The following DCAF10 variants were observed in gnomAD, a reference collection of about 807,000 sequenced individuals.
The protein encoded by DCAF10 is DDB1 and CUL4 associated factor 10.
DCAF10 carries 19 observed loss-of-function variants against 51.9 expected under a neutral mutation model. The ratio of observed to expected loss-of-function variants is 0.37; its 90% confidence interval spans 0.26 to 0.54. The LOEUF (loss-of-function observed/expected upper bound fraction) is 0.54. DCAF10 is among the 20% of genes least tolerant of loss of function. The pLI is 0.87. For synonymous variants in DCAF10, 291 were observed against 297.1 expected (o/e 0.98, Z 0.21); for missense variants, 510 against 730.6 (o/e 0.70, Z 3.48).
intron 1 of DCAF10, among the ~76,000 whole-genome samples, chr9:37,816,326 C>T (rs774254429): frequency 6.6e-6 from 1 of 152,202 alleles, no homozygotes; most frequent in African/African-American, 2.4e-5. Flanking sequence ...CGATGGCTCA[C>T]GCCTGTAATC....
At position 37,861,635 on chromosome 9, in the gene DCAF10, ATGAACACACTTG is replaced by A; in HGVS notation, c.*131_*142del. 7.4e-7 allele frequency: 1 copy of A among 1,349,594 alleles called. No individual in the cohort carries two copies. 83.6% of individuals were successfully genotyped at this position (1,349,594 alleles called of 1,614,324 possible). ...TCAAGATCCTGGTTCTTATGGGTCC[ATGAACACACTTG>A]TGACCTTAGTACTTGGTCATCCAGC... On this transcript the variant is annotated 3_prime_UTR_variant, in exon 7 of 7. Coordinates refer to ENST00000377724, the MANE Select transcript of DCAF10 (RefSeq NM_024345.5). This position sits in a 1 kb window ranked among gnomAD's most constrained non-coding sequence, Gnocchi z 4.9.
chr9:37,861,120 T>C lies in DCAF10; in HGVS notation c.1312-20T>C. 1 of 1,584,688 alleles carries C rather than the reference T, an allele frequency of 6.3e-7. No homozygotes were observed. ...ATTTGGGCTCTGTAACCTTGGTTTG[T>C]CTCCCTTCTCTCCCCCTAGTGTACT... On this transcript the variant is annotated intron_variant, in intron 6 of 6. Transcript: ENST00000377724. The surrounding 1 kb of genome is among the most constrained non-coding windows in gnomAD (Gnocchi z 4.9).
intron 2 of DCAF10, among the ~76,000 whole-genome samples, chr9:37,826,509 A>AT (rs1829855017): frequency 1.3e-5 from 2 of 152,192 alleles, no homozygotes; most frequent in East Asian, 3.9e-4. Context: ...TGCTTAGTAT[A>AT]TAGTCCAGAG....
At chr9:37,835,606 C>T (rs761332804) in intron 2 of DCAF10, among the ~76,000 whole-genome samples, 3 of 150,834 alleles carry the variant, frequency 2.0e-5, no homozygotes, top group South Asian at 2.1e-4. Flanking sequence ...GGCGTGGTGG[C>T]GGGCACCTGT....
At chr9:37,803,297 G>A (rs550358195) in intron 1 of DCAF10, among the ~76,000 whole-genome samples, 10 of 151,980 alleles carry the variant, frequency 6.6e-5, no homozygotes, top group Non-Finnish European at 1.5e-4. Context: ...TGGAATCACT[G>A]TTTTGTAGCT....
chr9:37,819,463 G>C (rs1829641672), intron 2 of DCAF10, 62 bp downstream of exon 2: 1 of 1,289,740 alleles, frequency 7.8e-7, no homozygotes, highest in African/African-American at 1.5e-5. Context: ...TGTTTTGGAA[G>C]TTAGTGAAAA....
In DCAF10 at chr9:37,801,120, C is replaced by G; in HGVS notation, c.254C>G (p.Pro85Arg). 1 of 1,535,670 alleles carries G rather than the reference C, an allele frequency of 6.5e-7. No individual in the cohort carries two copies. ...GAPESSTASA[P>R]GEPSPPSPPC... is the part of the protein sequence containing the mutation. ...CCGGAGTCCTCAACTGCCTCCGCCC[C>G]GGGAGAGCCGTCACCTCCCTCCCCT... The change falls in exon 1 of 7, where the codon CCG becomes CGG. Residue 85 changes from proline (P) to arginine (R), a missense_variant. This residue lies in a region of DCAF10 where 251 missense variants were observed against 227.9 expected (regional missense o/e 1.10). Coordinates refer to ENST00000377724, the MANE Select transcript of DCAF10 (RefSeq NM_024345.5). The surrounding 1 kb of genome is among the most constrained non-coding windows in gnomAD (Gnocchi z 5.5).
chr9:37,831,642 T>A (rs1830009922), intron 2 of DCAF10, among the ~76,000 whole-genome samples: 4 of 152,170 alleles, frequency 2.6e-5, no homozygotes, highest in Non-Finnish European at 5.9e-5. Context: ...AATAAAAAAA[T>A]AAAAAACATT....
intron 3 of DCAF10, among the ~76,000 whole-genome samples, 180 bp downstream of exon 3, chr9:37,842,466 G>C (rs1275771749): frequency 6.6e-6 from 1 of 152,018 alleles, no homozygotes; most frequent in Non-Finnish European, 1.5e-5. Flanking sequence ...AAAAATTTTG[G>C]GGAAAATTAT....
rs1831139491 is a variant in DCAF10, at chr9:37,866,466, A to T, written c.*4958A>T. ...TTGCCTCAGACTGCTGTTGGATTTTAAAATTTTTAAAATATCTGCTAAGTA... is the reference window on the plus strand; with the variant it reads ...TTGCCTCAGACTGCTGTTGGATTTTTAAATTTTTAAAATATCTGCTAAGTA... On this transcript the variant is annotated 3_prime_UTR_variant, in exon 7 of 7. Coordinates refer to ENST00000377724, the MANE Select transcript of DCAF10 (RefSeq NM_024345.5). 1 of 152,276 alleles carries T rather than the reference A, an allele frequency of 6.6e-6. No homozygotes were observed. Among genetic ancestry groups the T allele is most frequent in the Admixed American group, 6.5e-5 (1 of 15,276 alleles). 9.4% of individuals were successfully genotyped at this position (152,276 alleles called of 1,614,324 possible).
chr9:37,802,814 A>G (rs1445189800), intron 1 of DCAF10, among the ~76,000 whole-genome samples: 3 of 152,122 alleles, frequency 2.0e-5, no homozygotes, highest in Non-Finnish European at 4.4e-5. Context: ...TATTCATGGA[A>G]CCTCGCAGCC....
chr9:37,852,861 T>TTA (rs931086418), intron 3 of DCAF10, among the ~76,000 whole-genome samples: 1 of 150,224 alleles, frequency 6.7e-6, no homozygotes, highest in Non-Finnish European at 1.5e-5. Flanking sequence ...ACTGTTGTTA[T>TTA]TATATATAAT....
At chr9:37,820,087 T>C (rs1829658194) in intron 2 of DCAF10, among the ~76,000 whole-genome samples, 1 of 152,220 alleles carries the variant, frequency 6.6e-6, no homozygotes, top group African/African-American at 2.4e-5. Context: ...TTCTATTTTT[T>C]CTATGTAATG....
intron 6 of DCAF10, chr9:37,860,515 AC>A (rs1830983648): frequency 8.4e-6 from 2 of 237,224 alleles, no homozygotes; most frequent in Non-Finnish European, 1.6e-5. Context: ...AAACAAACAA[AC>A]AAAAACCCCT....
intron 2 of DCAF10, among the ~76,000 whole-genome samples, chr9:37,821,031 G>A (rs1829684928): frequency 6.6e-6 from 1 of 151,692 alleles, no homozygotes; most frequent in Non-Finnish European, 1.5e-5. Context: ...CCTCCCCAAA[G>A]GCAACCACTG....
chr9:37,835,787 G>A (rs979419850), intron 2 of DCAF10, among the ~76,000 whole-genome samples: 2 of 152,164 alleles, frequency 1.3e-5, no homozygotes, highest in African/African-American at 4.8e-5. Flanking sequence ...AATCTATAAG[G>A]GAAAGATGGA....
chr9:37,824,582 G>C (rs1389641929), intron 2 of DCAF10, among the ~76,000 whole-genome samples: 1 of 151,592 alleles, frequency 6.6e-6, no homozygotes, highest in Non-Finnish European at 1.5e-5. Context: ...ATGAAGAAAA[G>C]GGATGATAAA....
intron 2 of DCAF10, among the ~76,000 whole-genome samples, chr9:37,820,884 C>T (rs985016081): frequency 2.0e-5 from 3 of 152,012 alleles, no homozygotes; most frequent in African/African-American, 4.8e-5. Context: ...TCAACAAAGA[C>T]TTTATTTTAA....
At chr9:37,811,429 G>A (rs956516239) in intron 1 of DCAF10, among the ~76,000 whole-genome samples, 6 of 152,170 alleles carry the variant, frequency 3.9e-5, no homozygotes, top group East Asian at 1.9e-4. Context: ...AAAGAGATTC[G>A]TTGTCTGAAA....
Sources: allele counts gnomAD v4.1 joint callset (sites outside exome capture counted in the v4.1 genomes callset), GRCh38; gene constraint gnomAD v4.1.1; regional missense constraint gnomAD v4.1.1; non-coding constraint Gnocchi (gnomAD v3.1); transcripts MANE v1.5; gene names NCBI Gene and HGNC (gene_info 2026-07-23, HGNC 2026-07-21).